SIPA1L3: variants seen among roughly 807,000 people sequenced by gnomAD.
SIPA1L3 encodes signal induced proliferation associated 1 like 3, also known as signal-induced proliferation-associated 1-like protein 3.
Under a neutral mutation model 150.1 loss-of-function variants are expected in SIPA1L3, and 59 were observed. The ratio of observed to expected loss-of-function variants is 0.39; its 90% CI spans 0.32 to 0.49. The LOEUF (loss-of-function observed/expected upper bound fraction) is 0.49, where lower values mean the gene tolerates loss of function less well. Among genes scored for constraint, SIPA1L3 ranks in the 20% least tolerant of loss-of-function variants. The pLI, the probability that SIPA1L3 is intolerant of heterozygous loss-of-function variation, is 0.86. For synonymous variants in SIPA1L3, 1,070 were observed against 1,077.6 expected (o/e 0.99, Z 0.14); for missense variants, 2,211 against 2,489.5 (o/e 0.89, Z 2.38).
At chr19:38,030,501 C>T (rs1279268342) in intron 2 of SIPA1L3, among the ~76,000 whole-genome samples, 1 of 151,796 alleles carries the variant, frequency 6.6e-6, no homozygotes, top group Non-Finnish European at 1.5e-5. Context: ...GTCAAGGCTG[C>T]TGTGAGACCC....
chr19:38,053,858 G>A (rs963431111), intron 2 of SIPA1L3, among the ~76,000 whole-genome samples: 3 of 150,794 alleles, frequency 2.0e-5, no homozygotes, highest in South Asian at 4.4e-4. Context: ...GAGCCGCCGC[G>A]CCCAGCCTTC....
At chr19:37,971,723 C>A (rs530798591) in intron 1 of SIPA1L3, among the ~76,000 whole-genome samples, 2 of 152,160 alleles carry the variant, frequency 1.3e-5, no homozygotes, top group Non-Finnish European at 2.9e-5. Context: ...TGACACCATG[C>A]CCAGCTAATT....
intron 9 of SIPA1L3, among the ~76,000 whole-genome samples, chr19:38,122,900 C>T (rs1428241923): frequency 6.6e-6 from 1 of 152,186 alleles, no homozygotes; most frequent in African/African-American, 2.4e-5. Context: ...TTGCACACCC[C>T]CTCCCCTGGC....
At chr19:38,157,232 G>C (rs575710207) in intron 13 of SIPA1L3, among the ~76,000 whole-genome samples, 1 of 152,206 alleles carries the variant, frequency 6.6e-6, no homozygotes, top group Non-Finnish European at 1.5e-5. Flanking sequence ...AGATGTGGGG[G>C]TTTGCCCAGC....
At chr19:37,974,426 T>C (rs1170503465) in intron 1 of SIPA1L3, among the ~76,000 whole-genome samples, 1 of 151,346 alleles carries the variant, frequency 6.6e-6, no homozygotes, top group Admixed American at 6.6e-5. Flanking sequence ...GGTGGGAGGA[T>C]CACTTGAGCC....
At chr19:37,927,323 G>A (rs1378132140) in intron 1 of SIPA1L3, among the ~76,000 whole-genome samples, 1 of 151,822 alleles carries the variant, frequency 6.6e-6, no homozygotes, top group Non-Finnish European at 1.5e-5. Flanking sequence ...AAACTTTTTT[G>A]TATTTTTTAG....
At chr19:38,151,614 C>A (rs893028705) in intron 12 of SIPA1L3, among the ~76,000 whole-genome samples, 2 of 152,110 alleles carry the variant, frequency 1.3e-5, no homozygotes, top group African/African-American at 4.8e-5. Context: ...CGGCTGTGAT[C>A]CAAGGAGGAC....
chr19:38,175,983 G>A (rs372793291), intron 15 of SIPA1L3, among the ~76,000 whole-genome samples: 6 of 152,188 alleles, frequency 3.9e-5, no homozygotes, highest in South Asian at 4.2e-4. Flanking sequence ...CGAGGCGGGC[G>A]GATCATGAGG....
At chr19:38,008,646 T>A (rs1258882429) in intron 1 of SIPA1L3, among the ~76,000 whole-genome samples, 2 of 152,078 alleles carry the variant, frequency 1.3e-5, no homozygotes, top group East Asian at 3.9e-4. Context: ...AGCCTTGAAC[T>A]CCTGGGCCCA....
intron 2 of SIPA1L3, among the ~76,000 whole-genome samples, chr19:38,063,362 C>A (rs1969498215): frequency 6.6e-6 from 1 of 152,208 alleles, no homozygotes; most frequent in African/African-American, 2.4e-5. Flanking sequence ...CGCCCCCCAT[C>A]CCCTCAGCCT....
intron 1 of SIPA1L3, among the ~76,000 whole-genome samples, chr19:37,926,239 A>G (rs1599800495): frequency 6.6e-6 from 1 of 152,242 alleles, no homozygotes; most frequent in Admixed American, 6.5e-5. Flanking sequence ...ATCCTCTTTC[A>G]GTGACAGGCC....
intron 8 of SIPA1L3, among the ~76,000 whole-genome samples, chr19:38,117,544 G>T (rs1021619876): frequency 6.6e-6 from 1 of 151,904 alleles, no homozygotes; most frequent in Non-Finnish European, 1.5e-5. Flanking sequence ...GCTTGACCCC[G>T]GGAGGCGGAG....
chr19:38,087,016 A>G (rs1372563308), intron 3 of SIPA1L3, among the ~76,000 whole-genome samples: 1 of 152,186 alleles, frequency 6.6e-6, no homozygotes, highest in Non-Finnish European at 1.5e-5. Flanking sequence ...AGATGTCCAG[A>G]TATTGAGGAT....
chr19:38,091,340 C>T (rs1970252875), intron 4 of SIPA1L3, among the ~76,000 whole-genome samples: 1 of 152,108 alleles, frequency 6.6e-6, no homozygotes. Context: ...GAGCCAAGAT[C>T]ACACCACTGG....
At chr19:38,183,455 AAG>A (rs1972606936) in intron 16 of SIPA1L3, among the ~76,000 whole-genome samples, 3 of 151,972 alleles carry the variant, frequency 2.0e-5, no homozygotes, top group South Asian at 2.1e-4. Flanking sequence ...GTGTGAGAGA[AAG>A]AGAGGGGTTG....
At chr19:37,914,024 C>CAAAA (rs58768492) in intron 1 of SIPA1L3, among the ~76,000 whole-genome samples, 5 of 110,806 alleles carry the variant, frequency 4.5e-5, no homozygotes, top group South Asian at 2.8e-4. Flanking sequence ...GAGGCCGTCT[C>CAAAA]AAAAAAAAAA....
intron 16 of SIPA1L3, among the ~76,000 whole-genome samples, chr19:38,187,649 C>T (rs1366660091): frequency 3.0e-5 from 4 of 133,610 alleles, no homozygotes; most frequent in African/African-American, 1.1e-4. Context: ...CCCCAGGGGG[C>T]GGAGCCTGCA....
At chr19:38,123,800 G>A (rs1402822941) in intron 9 of SIPA1L3, among the ~76,000 whole-genome samples, 1 of 150,690 alleles carries the variant, frequency 6.6e-6, no homozygotes, top group Non-Finnish European at 1.5e-5. Flanking sequence ...AGACGGGGTG[G>A]CGGCCGGGCA....
At chr19:37,925,457 G>A (rs1053307154) in intron 1 of SIPA1L3, among the ~76,000 whole-genome samples, 10 of 152,278 alleles carry the variant, frequency 6.6e-5, no homozygotes, top group Admixed American at 3.3e-4. Context: ...CATGGCTGGA[G>A]CGGAATGAGC....
Sources: allele counts gnomAD v4.1 joint callset (sites outside exome capture counted in the v4.1 genomes callset), GRCh38; gene constraint gnomAD v4.1.1; transcripts MANE v1.5; gene names NCBI Gene and HGNC (gene_info 2026-07-23, HGNC 2026-07-21).